Variants in RBMS1 observed in about 807,000 individuals in gnomAD.
The protein encoded by RBMS1 is RNA-binding motif, single-stranded-interacting protein 1.
In RBMS1, 17 loss-of-function variants were observed where a neutral mutation model predicts 62.3. The observed-to-expected ratio is 0.27, with a 90% CI of 0.19 to 0.41. The LOEUF (loss-of-function observed/expected upper bound fraction) is 0.41, where lower values mean the gene tolerates loss of function less well. Among genes scored for constraint, RBMS1 ranks in the 10% least tolerant of loss-of-function variants. The pLI, the probability that RBMS1 is intolerant of heterozygous loss-of-function variation, is 1.00. For synonymous variants in RBMS1, 172 were observed against 170.0 expected, an observed-to-expected ratio of 1.01 and a Z score of -0.09; for missense variants, 334 against 504.5, an observed-to-expected ratio of 0.66 and a Z score of 3.24.
At chr2:160,450,750 A>T (rs1409456931) in intron 1 of RBMS1, among the ~76,000 whole-genome samples, 2 of 152,140 alleles carry the variant, frequency 1.3e-5, no homozygotes, top group African/African-American at 4.8e-5. Context: ...AGGAAGATAA[A>T]GATACAGACT....
At chr2:160,429,790 A>G (rs1160495553) in intron 1 of RBMS1, among the ~76,000 whole-genome samples, 1 of 152,184 alleles carries the variant, frequency 6.6e-6, no homozygotes, top group Admixed American at 6.5e-5. Flanking sequence ...CCTGCCCACA[A>G]TCCCTCCCAC....
chr2:160,317,217 G>A (rs1690273608), intron 3 of RBMS1, among the ~76,000 whole-genome samples: 1 of 152,152 alleles, frequency 6.6e-6, no homozygotes, highest in Non-Finnish European at 1.5e-5. Flanking sequence ...GGAAATGCTT[G>A]GCTTATAAGG....
At chr2:160,354,462 C>G (rs796917110) in intron 2 of RBMS1, among the ~76,000 whole-genome samples, 102 of 152,154 alleles carry the variant, frequency 6.7e-4, no homozygotes, top group African/African-American at 2.3e-3. Flanking sequence ...GAAAACAATT[C>G]CACAATTTAT....
intron 1 of RBMS1, among the ~76,000 whole-genome samples, chr2:160,416,854 G>C (rs565036520): frequency 2.0e-5 from 3 of 152,058 alleles, no homozygotes; most frequent in Non-Finnish European, 4.4e-5. Context: ...ATATCTACTA[G>C]AAAACTTTGT....
At chr2:160,301,077 C>T (rs1689183920) in intron 5 of RBMS1, among the ~76,000 whole-genome samples, 1 of 152,122 alleles carries the variant, frequency 6.6e-6, no homozygotes, top group Non-Finnish European at 1.5e-5. Flanking sequence ...GCAGATACAA[C>T]AGTTTAAAAT....
intron 1 of RBMS1, among the ~76,000 whole-genome samples, chr2:160,384,654 C>T (rs1354381517): frequency 6.6e-6 from 1 of 152,188 alleles, no homozygotes; most frequent in African/African-American, 2.4e-5. Flanking sequence ...ATCTCTTCAT[C>T]TGTACAGTGA....
intron 1 of RBMS1, among the ~76,000 whole-genome samples, chr2:160,438,389 A>G (rs1419239041): frequency 6.6e-6 from 1 of 151,518 alleles, no homozygotes; most frequent in Non-Finnish European, 1.5e-5. Context: ...TGGTTTTCCT[A>G]GGCAGAGGAC....
chr2:160,305,330 AT>A lies in RBMS1; in HGVS notation c.403-1844del, dbSNP rs1689442499. ...GGTAAGTGCCCTATAAGGGTGCACC[AT>A]TTTTATCTTTTATACCATATTTTTA... On this transcript the variant is annotated intron_variant, in intron 4 of 13. Coordinates refer to ENST00000348849, the MANE Select transcript of RBMS1 (RefSeq NM_016836.4). Among the ~76,000 whole-genome samples the A allele has an allele frequency of 2.6e-5, 4 of 152,272 alleles. No homozygotes were observed. The South Asian group carries it at 8.3e-4, about 32-fold the overall frequency.
intron 1 of RBMS1, among the ~76,000 whole-genome samples, chr2:160,422,640 C>T (rs760583433): frequency 2.6e-5 from 4 of 151,968 alleles, no homozygotes; most frequent in Non-Finnish European, 5.9e-5. Context: ...CTCCCCCCGC[C>T]CCACCACATT....
intron 6 of RBMS1, among the ~76,000 whole-genome samples, chr2:160,291,932 T>A (rs1230136992): frequency 6.6e-6 from 1 of 152,250 alleles, no homozygotes; most frequent in East Asian, 1.9e-4. Flanking sequence ...TTACTACTTT[T>A]CTAAGTCTAT....
At chr2:160,379,810 A>G (rs1694187428) in intron 1 of RBMS1, among the ~76,000 whole-genome samples, 2 of 152,188 alleles carry the variant, frequency 1.3e-5, no homozygotes, top group Admixed American at 1.3e-4. Flanking sequence ...AAATGTGCAC[A>G]TTGCTAGTTA....
intron 4 of RBMS1, among the ~76,000 whole-genome samples, chr2:160,311,501 T>C (rs907004530): frequency 1.3e-5 from 2 of 152,016 alleles, no homozygotes; most frequent in African/African-American, 4.8e-5. Flanking sequence ...CAGAGTCCTT[T>C]AACTTCTATG....
intron 1 of RBMS1, among the ~76,000 whole-genome samples, chr2:160,384,811 TA>T (rs1173405237): frequency 6.6e-6 from 1 of 152,242 alleles, no homozygotes; most frequent in Non-Finnish European, 1.5e-5. Context: ...TGATATGGTT[TA>T]GATTTGTGTC....
chr2:160,285,085 G>A (rs1688305166), intron 7 of RBMS1, 41 bp from the exon 8 acceptor site: 1 of 1,580,076 alleles, frequency 6.3e-7, no homozygotes, highest in African/African-American at 1.3e-5. Context: ...CATCTAGAAA[G>A]GCATGATTTA....
intron 2 of RBMS1, among the ~76,000 whole-genome samples, chr2:160,337,135 CT>C (rs768216149): frequency 1.3e-3 from 172 of 136,348 alleles, no homozygotes; most frequent in Non-Finnish European, 1.4e-3. Context: ...TTTTTCTTTT[CT>C]TTTTTTTTTT....
At chr2:160,464,480 G>A (rs752481581) in intron 1 of RBMS1, among the ~76,000 whole-genome samples, 1 of 152,136 alleles carries the variant, frequency 6.6e-6, no homozygotes, top group Non-Finnish European at 1.5e-5. Flanking sequence ...CATATTAAGA[G>A]TAGACTTGAA....
intron 1 of RBMS1, among the ~76,000 whole-genome samples, chr2:160,458,762 A>G (rs1404390487): frequency 2.0e-5 from 3 of 151,058 alleles, no homozygotes; most frequent in Non-Finnish European, 4.4e-5. Flanking sequence ...GTGCCATTGC[A>G]CTCCAGCTTG....
chr2:160,275,662 G>A lies in RBMS1; in HGVS notation c.1196C>T (p.Pro399Leu). 1 of 1,613,760 alleles carries A rather than the reference G, an allele frequency of 6.2e-7. No individual in the cohort carries two copies. The highest frequency in any genetic ancestry group is 1.1e-5 in the South Asian group (1 of 91,060). ...VAVETSNDHS[P>L]YTFQPNK ...TTACTTATTAGGTTGAAAGGTATAT[G>A]GAGAATGGTCATTAGACGTCTCGAC... The change falls in exon 13 of 14, where the codon CCA becomes CTA. Residue 399 changes from proline to leucine, a missense_variant. Coordinates refer to ENST00000348849, the MANE Select transcript of RBMS1 (RefSeq NM_016836.4).
intron 2 of RBMS1, among the ~76,000 whole-genome samples, chr2:160,348,004 C>T (rs917201368): frequency 1.3e-5 from 2 of 151,940 alleles, no homozygotes; most frequent in Non-Finnish European, 2.9e-5. Flanking sequence ...GTGGTATTTC[C>T]GAGCTTTGAC....
Sources: allele counts gnomAD v4.1 joint callset (sites outside exome capture counted in the v4.1 genomes callset), GRCh38; gene constraint gnomAD v4.1.1; transcripts MANE v1.5; gene names NCBI Gene and HGNC (gene_info 2026-07-23, HGNC 2026-07-21).